Variants in PLB1 observed in about 807,000 individuals in gnomAD.
PLB1 encodes the protein phospholipase B1, membrane-associated.
Under a neutral mutation model 227.4 loss-of-function variants are expected in PLB1, and 242 were observed. That is an observed-to-expected ratio of 1.06 (90% CI 0.96 to 1.18). The LOEUF (loss-of-function observed/expected upper bound fraction) is 1.18. Ranked by LOEUF, PLB1 falls within the 50% of genes most tolerant of loss-of-function variation. The pLI, the probability that PLB1 is intolerant of heterozygous loss-of-function variation, is 0.00. For synonymous variants in PLB1, 757 were observed against 682.2 expected, an observed-to-expected ratio of 1.11 and a Z score of -1.71; for missense variants, 1,858 against 1,816.3, an observed-to-expected ratio of 1.02 and a Z score of -0.42.
At chr2:28,525,425 CT>C in intron 5 of PLB1, 118 bp downstream of exon 5, 9 of 1,140,740 alleles carry the variant, frequency 7.9e-6, no homozygotes, top group Non-Finnish European at 1.1e-5. Flanking sequence ...TTGCTCAAGG[CT>C]ACCCTCTGAG....
At chr2:28,556,136 T>C (rs1356096091) in intron 17 of PLB1, among the ~76,000 whole-genome samples, 1 of 152,220 alleles carries the variant, frequency 6.6e-6, no homozygotes, top group East Asian at 1.9e-4. Context: ...GTGCTGGGAT[T>C]ATAGGCATAA....
At position 28,628,580 on chromosome 2, in the gene PLB1, G is replaced by A. The variant is rs143298516; in HGVS notation, c.3678G>A (p.Thr1226=). ...YCENPEAHLA[T]EYVQHIQQAL... ...CCTTACAGGAGGCCCACTTGGCCAC[G>A]GAATATGTTCAGCACATCCAACAGG... The change falls in exon 52 of 58, where the codon ACG becomes ACA. Residue 1226 remains threonine, a synonymous_variant. Coordinates refer to ENST00000327757, the MANE Select transcript of PLB1 (RefSeq NM_153021.5). 3.2e-5 allele frequency: 51 copies of A among 1,614,156 alleles called. 1 individual carries two copies. The highest frequency in any genetic ancestry group is 1.6e-4 in the Middle Eastern group (1 of 6,062).
chr2:28,584,845 T>C (rs914605589), intron 25 of PLB1, among the ~76,000 whole-genome samples: 5 of 152,184 alleles, frequency 3.3e-5, no homozygotes, highest in African/African-American at 1.2e-4. Context: ...CAGTTTAACA[T>C]AGAGATTAAG....
rs70956023 is a variant in PLB1 at position 28,574,384 on chromosome 2, C to CTTTTTTT, written c.1433+1089_1433+1095dup. Among the ~76,000 whole-genome samples, 131 of 73,984 alleles carry CTTTTTTT rather than the reference C, an allele frequency of 1.8e-3. 4 individuals are homozygous for CTTTTTTT. The highest frequency in any genetic ancestry group is 0.011 in the Middle Eastern group (1 of 94). 48.5% of individuals were successfully genotyped at this position (73,984 alleles called of 152,430 possible). ...AGTCCCCAAAGTCCATTATATCATT[C>CTTTTTTT]TTTTTTTTTTTTTTTTGAGACAGGG... On this transcript the variant is annotated intron_variant, in intron 21 of 57. Transcript: ENST00000327757.
intron 1 of PLB1, among the ~76,000 whole-genome samples, chr2:28,510,007 G>A (rs1290024458): frequency 1.3e-5 from 2 of 152,142 alleles, no homozygotes; most frequent in African/African-American, 2.4e-5. Context: ...ACGCTTTATT[G>A]TGACACCCCA....
chr2:28,525,086 T>C (rs190617056), intron 4 of PLB1, among the ~76,000 whole-genome samples, 181 bp from the exon 5 acceptor site: 76 of 152,216 alleles, frequency 5.0e-4, no homozygotes, highest in Admixed American at 4.5e-3. Flanking sequence ...TGATCTCACG[T>C]GATCCTCCCT....
intron 53 of PLB1, among the ~76,000 whole-genome samples, chr2:28,630,007 C>A (rs533911974): frequency 6.6e-6 from 1 of 152,174 alleles, no homozygotes; most frequent in South Asian, 2.1e-4. Context: ...CCTGCTCTCT[C>A]GCAGGGAACG....
intron 2 of PLB1, among the ~76,000 whole-genome samples, chr2:28,518,177 C>G (rs1159324941): frequency 6.6e-6 from 1 of 152,166 alleles, no homozygotes; most frequent in African/African-American, 2.4e-5. Context: ...CCACCGTGCC[C>G]AGCCCCATTT....
At position 28,541,621 on chromosome 2, in the gene PLB1, GC is replaced by G; in HGVS notation, c.775-85del. 3 of 961,336 alleles carry G rather than the reference GC, an allele frequency of 3.1e-6. No homozygotes were observed. In the East Asian group the frequency reaches 7.7e-5, roughly 25 times the overall value. 59.6% of individuals were successfully genotyped at this position (961,336 alleles called of 1,614,324 possible). Reference sequence around the variant, plus strand: ...CGCAAGAGGCAGATCCTGTCCCAGGGCTGCCGAGAATGATTTGGTCAGGTCT... The same window carrying G: ...CGCAAGAGGCAGATCCTGTCCCAGGGTGCCGAGAATGATTTGGTCAGGTCT... On this transcript the variant is annotated intron_variant, in intron 12 of 57. Coordinates refer to ENST00000327757, the MANE Select transcript of PLB1 (RefSeq NM_153021.5).
intron 4 of PLB1, 23 bp downstream of exon 4, chr2:28,519,786 G>C (rs1669274031): frequency 6.3e-7 from 1 of 1,595,032 alleles, no homozygotes; most frequent in Non-Finnish European, 8.6e-7. Context: ...AGTAGCTTGG[G>C]GCAGGAGACA....
chr2:28,567,469 CTT>C (rs57787583), intron 20 of PLB1, among the ~76,000 whole-genome samples: 363 of 108,048 alleles, frequency 3.4e-3, no homozygotes, highest in African/African-American at 0.014. Context: ...ATTTCTTTCT[CTT>C]TTTTTTTTTT....
intron 50 of PLB1, 92 bp downstream of exon 50, chr2:28,625,200 C>T (rs2148332144): frequency 1.6e-6 from 2 of 1,226,368 alleles, no homozygotes; most frequent in South Asian, 2.6e-5. Context: ...CTCACCACAG[C>T]ACTTCCTGCT....
intron 20 of PLB1, among the ~76,000 whole-genome samples, chr2:28,570,622 C>T (rs1573046753): frequency 6.6e-6 from 1 of 152,144 alleles, no homozygotes; most frequent in Non-Finnish European, 1.5e-5. Context: ...CCTGTCTCCA[C>T]TAAAAACACA....
intron 17 of PLB1, among the ~76,000 whole-genome samples, chr2:28,560,323 G>A (rs1193693129): frequency 2.0e-5 from 3 of 152,256 alleles, no homozygotes; most frequent in Non-Finnish European, 4.4e-5. Flanking sequence ...AGTGGGAGGT[G>A]AGCTTGTGAC....
At chr2:28,549,038 G>A (rs1041589037) in intron 15 of PLB1, 107 bp downstream of exon 15, 1 of 913,526 alleles carries the variant, frequency 1.1e-6, no homozygotes, top group Non-Finnish European at 1.8e-6. Context: ...TGTGAATCCT[G>A]TTTCTGTTCT....
Position 28,638,827 on chromosome 2 carries a change from G to GAAA in PLB1, c.4099-2078_4099-2076dup, listed in dbSNP as rs35972276. Among the ~76,000 whole-genome samples, 107 of 63,594 alleles carry GAAA rather than the reference G, an allele frequency of 1.7e-3. 1 individual carries two copies. Among genetic ancestry groups the GAAA allele is most frequent in the African/African-American group, 5.0e-3 (78 of 15,602 alleles). The allele number at this position is 63,594 out of a possible 152,430, so 41.7% of individuals were successfully genotyped here. On this transcript the variant is annotated intron_variant, in intron 56 of 57. Transcript: ENST00000327757. The stretch of plus-strand genomic sequence containing the variant: ...ACAGAGGAAGTCAAGGCTGGAGATT[G>GAAA]AAAAAAAAAAAAAAAAAAAAAAAAG...
intron 1 of PLB1, among the ~76,000 whole-genome samples, chr2:28,504,993 G>A (rs1157219344): frequency 6.6e-6 from 1 of 152,204 alleles, no homozygotes; most frequent in South Asian, 2.1e-4. Context: ...GAAGATATAA[G>A]TGTTCATTCT....
At chr2:28,612,244 A>C (rs1685558979) in intron 43 of PLB1, among the ~76,000 whole-genome samples, 1 of 152,224 alleles carries the variant, frequency 6.6e-6, no homozygotes, top group Non-Finnish European at 1.5e-5. Context: ...TCAGGGAACC[A>C]GTATCTGAGC....
intron 20 of PLB1, among the ~76,000 whole-genome samples, chr2:28,567,740 G>A (rs12474737): frequency 0.43 from 64,602 of 151,926 alleles, 14,851 homozygotes; most frequent in East Asian, 0.68. Flanking sequence ...CCAAAGTGCT[G>A]GGATTACAGG....
Sources: allele counts gnomAD v4.1 joint callset (sites outside exome capture counted in the v4.1 genomes callset), GRCh38; gene constraint gnomAD v4.1.1; transcripts MANE v1.5; gene names NCBI Gene and HGNC (gene_info 2026-07-23, HGNC 2026-07-21).